Variants in EPRS1 observed in about 807,000 individuals in gnomAD.
EPRS1 encodes glutamyl-prolyl-tRNA synthetase 1.
In EPRS1, 107 loss-of-function variants were observed where a neutral mutation model predicts 188.3. The ratio of observed to expected loss-of-function variants is 0.57; its 90% CI spans 0.49 to 0.67. The LOEUF (loss-of-function observed/expected upper bound fraction) is 0.67. Among genes scored for constraint, EPRS1 ranks in the 30% least tolerant of loss-of-function variants. EPRS1 has a pLI of 0.00. For missense variants in EPRS1, 1,577 were observed against 1,802.2 expected, an observed-to-expected ratio of 0.88 and a Z score of 2.26; for synonymous variants, 596 against 593.1, an observed-to-expected ratio of 1.00 and a Z score of -0.07.
intron 12 of EPRS1, among the ~76,000 whole-genome samples, chr1:220,015,809 G>T (rs1661691953): frequency 6.8e-6 from 1 of 147,266 alleles, no homozygotes; most frequent in African/African-American, 2.5e-5. Context: ...AAAAAAAAAA[G>T]AAGATCCAAG....
At chr1:219,982,495 A>G in intron 23 of EPRS1, 1 of 263,150 alleles carries the variant, frequency 3.8e-6, no homozygotes. Flanking sequence ...AATTATTCTA[A>G]GAATAAAACT....
intron 30 of EPRS1, 102 bp from the exon 31 acceptor site, chr1:219,969,224 T>G (rs568076264): frequency 2.4e-6 from 2 of 821,556 alleles, no homozygotes; most frequent in East Asian, 2.6e-5. Flanking sequence ...GCAAAAAGGA[T>G]AGGTCTCCCA....
At position 219,987,291 on chromosome 1, in the gene EPRS1, C is replaced by T. The variant is rs150714196; in HGVS notation, c.2889G>A (p.Lys963=). ...VSATGAEDKD[K]KKKEKENKSE... The stretch of plus-strand genomic sequence containing the variant: ...ATTTATTTTCTTTTTCTTTCTTCTT[C>T]TTATCTTTGTCCTCAGCTCCAGTGG... The change falls in exon 20 of 32, where the codon AAG becomes AAA. Residue 963 remains lysine, a synonymous_variant. Transcript: ENST00000366923. The T allele has an allele frequency of 5.6e-6, 9 of 1,613,834 alleles. No homozygotes were observed. The highest frequency in any genetic ancestry group is 4.0e-5 in the African/African-American group (3 of 74,856).
Position 220,030,373 on chromosome 1 carries a change from T to C in EPRS1, c.623+13A>G. On this transcript the variant is annotated intron_variant, in intron 6 of 31. Coordinates refer to ENST00000366923, the MANE Select transcript of EPRS1 (RefSeq NM_004446.3). ...AATATATTCAATTATAAATGTGAGT[T>C]ACATTTTCTTACCCACTGGCCTCTG... is the stretch of plus-strand genomic sequence containing the variant. 6.4e-7 allele frequency: 1 copy of C among 1,559,140 alleles called. No homozygotes were observed. The highest frequency in any genetic ancestry group is 8.8e-7 in the Non-Finnish European group (1 of 1,130,062).
At chr1:220,038,231 C>T (rs1662224532) in intron 2 of EPRS1, among the ~76,000 whole-genome samples, 1 of 151,562 alleles carries the variant, frequency 6.6e-6, no homozygotes, top group South Asian at 2.1e-4. Flanking sequence ...TACAGGCATG[C>T]ACAACCATGC....
intron 8 of EPRS1, among the ~76,000 whole-genome samples, chr1:220,022,996 G>T (rs574879157): frequency 6.6e-6 from 1 of 152,282 alleles, no homozygotes; most frequent in Admixed American, 6.5e-5. Context: ...ACTACAGACC[G>T]TGCCTATCTA....
chr1:219,991,672 G>A (rs1054848138), intron 18 of EPRS1, among the ~76,000 whole-genome samples: 11 of 152,094 alleles, frequency 7.2e-5, no homozygotes, highest in African/African-American at 2.7e-4. Context: ...AGGAATAACC[G>A]ATTACTGAAA....
At chr1:220,041,325 G>C (rs1368023637) in intron 1 of EPRS1, among the ~76,000 whole-genome samples, 1 of 148,890 alleles carries the variant, frequency 6.7e-6, no homozygotes, top group Non-Finnish European at 1.5e-5. Flanking sequence ...CAGCGAAACT[G>C]TCTCAAAAAA....
chr1:219,974,676 TA>T (rs914699559), intron 28 of EPRS1, among the ~76,000 whole-genome samples: 2 of 151,260 alleles, frequency 1.3e-5, no homozygotes, highest in Non-Finnish European at 3.0e-5. Flanking sequence ...AAATGATATT[TA>T]AAAAAAAACC....
chr1:219,997,377 A>C, intron 17 of EPRS1, 35 bp from the exon 18 acceptor site: 1 of 1,490,906 alleles, frequency 6.7e-7, no homozygotes. Context: ...AAAATAATTA[A>C]TTCATATTAA....
chr1:219,987,094 G>A, intron 20 of EPRS1, 48 bp downstream of exon 20: 3 of 1,567,150 alleles, frequency 1.9e-6, no homozygotes, highest in South Asian at 1.2e-5. Context: ...ATTAAGAATT[G>A]AATTAATTCA....
chr1:220,007,839 G>A (rs183730918), intron 13 of EPRS1, among the ~76,000 whole-genome samples: 9 of 152,314 alleles, frequency 5.9e-5, no homozygotes, highest in East Asian at 5.8e-4. Context: ...CCACTGCTTC[G>A]CTGGGCATGG....
intron 6 of EPRS1, among the ~76,000 whole-genome samples, chr1:220,028,073 T>A (rs1010186584): frequency 6.6e-5 from 10 of 152,040 alleles, no homozygotes; most frequent in African/African-American, 2.4e-4. Context: ...GTACTATTTT[T>A]GCAACTTTGT....
rs56386723 is a variant in EPRS1, at chr1:220,020,697, TAA to T, written c.1116-478_1116-477del. Among the ~76,000 whole-genome samples, 60 of 144,030 alleles carry T rather than the reference TAA, an allele frequency of 4.2e-4. 1 individual carries two copies. Among genetic ancestry groups the T allele is most frequent in the Admixed American group, 2.9e-3 (42 of 14,520 alleles). 94.5% of individuals were successfully genotyped at this position (144,030 alleles called of 152,430 possible). A position where few individuals can be genotyped will look rare whatever the true frequency, so the allele number is the denominator to read the frequency against. On this transcript the variant is annotated intron_variant, in intron 9 of 31. Coordinates refer to ENST00000366923, the MANE Select transcript of EPRS1 (RefSeq NM_004446.3). ...CAAAAACAGTGCTCCATTCACTGTGTAAAAAAAAAAAACCGACAGAAGACCAG... is the reference window on the plus strand; with the variant it reads ...CAAAAACAGTGCTCCATTCACTGTGTAAAAAAAAAACCGACAGAAGACCAG...
chr1:219,983,614 C>G lies in EPRS1; in HGVS notation c.3091-216G>C, dbSNP rs569491711. Among the ~76,000 whole-genome samples, 4 of 152,240 alleles carry G rather than the reference C, an allele frequency of 2.6e-5. No individual in the cohort carries two copies. The East Asian group carries it at 7.7e-4, about 29-fold the overall frequency. On this transcript the variant is annotated intron_variant, in intron 21 of 31. Transcript: ENST00000366923. The stretch of plus-strand genomic sequence containing the variant: ...ACTCTCCATAAAACTTGAATTCCAC[C>G]GGGCATTGTGGCTTAGGCCTGCAAT...
At chr1:219,979,295 G>A (rs1009758186) in intron 27 of EPRS1, 123 bp downstream of exon 27, 11 of 679,534 alleles carry the variant, frequency 1.6e-5, no homozygotes, top group Middle Eastern at 3.3e-4. Flanking sequence ...TGCATTCCAC[G>A]TTGTTTTTAT....
intron 9 of EPRS1, 40 bp downstream of exon 9, chr1:220,022,307 C>T (rs772152540): frequency 6.5e-7 from 1 of 1,542,638 alleles, no homozygotes; most frequent in Non-Finnish European, 8.8e-7. Context: ...AAAACAAAAG[C>T]ACAGATGGCT....
At chr1:220,028,818 C>A (rs531994919) in intron 6 of EPRS1, among the ~76,000 whole-genome samples, 7 of 151,266 alleles carry the variant, frequency 4.6e-5, no homozygotes, top group South Asian at 2.1e-4. Context: ...ATTTAAGACA[C>A]AGAAAAGAAA....
At position 220,046,436 on chromosome 1, in the gene EPRS1, G is replaced by A; in HGVS notation, c.-48C>T. 6.2e-7 allele frequency: 1 copy of A among 1,611,206 alleles called. No individual in the cohort carries two copies. ...CTGTCAGTACGCCTGGCTCGTGCCA[G>A]AACTACGGAGGACCCCGCGAAAGGA... is the stretch of plus-strand genomic sequence containing the variant. On this transcript the variant is annotated 5_prime_UTR_variant, in exon 1 of 32. Coordinates refer to ENST00000366923, the MANE Select transcript of EPRS1 (RefSeq NM_004446.3).
Sources: gnomAD v4.1 joint callset for allele counts (sites outside exome capture counted in the v4.1 genomes callset) on GRCh38, gnomAD v4.1.1 for gene constraint, MANE v1.5 for transcripts, NCBI Gene and HGNC (gene_info 2026-07-23, HGNC 2026-07-21) for gene names.